Variants in GRID1 observed in about 807,000 individuals in gnomAD.
The protein encoded by GRID1 is glutamate receptor ionotropic, delta-1.
Under a neutral mutation model 98.0 loss-of-function variants are expected in GRID1, and 28 were observed. The ratio of observed to expected loss-of-function variants is 0.29; its 90% confidence interval spans 0.21 to 0.39. The LOEUF is 0.39. GRID1 is among the 10% of genes least tolerant of loss of function. GRID1 has a pLI of 1.00. For synonymous variants in GRID1, 553 were observed against 538.5 expected (o/e 1.03, Z -0.37); for missense variants, 1,111 against 1,340.5 (o/e 0.83, Z 2.67).
At chr10:85,784,795 G>C (rs577556402) in intron 8 of GRID1, among the ~76,000 whole-genome samples, 24 of 152,356 alleles carry the variant, frequency 1.6e-4, no homozygotes, top group Admixed American at 1.3e-3. Flanking sequence ...CATGCTCTAT[G>C]TGAGCGAAAA....
intron 3 of GRID1, among the ~76,000 whole-genome samples, chr10:86,184,743 G>C (rs1369424610): frequency 3.9e-5 from 6 of 152,020 alleles, no homozygotes; most frequent in Admixed American, 3.9e-4. Context: ...GATGATCTAT[G>C]TACAAAACTC....
intron 4 of GRID1, among the ~76,000 whole-genome samples, chr10:86,007,192 C>T (rs1289723588): frequency 1.3e-5 from 2 of 152,106 alleles, no homozygotes; most frequent in Admixed American, 1.3e-4. Flanking sequence ...TTATCAAAAT[C>T]CATCATAAAA....
rs975517225 is a variant in GRID1 at position 86,012,875 on chromosome 10, G to A, written c.727-96636C>T. 9.2e-5 allele frequency among the ~76,000 whole-genome samples: 14 copies of A among 152,294 alleles called. 1 individual carries two copies. Among genetic ancestry groups the A allele is most frequent in the African/African-American group, 2.4e-4 (10 of 41,564 alleles). On this transcript the variant is annotated intron_variant, in intron 4 of 15. Transcript: ENST00000327946. ...AAATAAATTACTATTGTTTATAAGC[G>A]AAATCATTTATGGTATTTTGTTATA...
intron 4 of GRID1, among the ~76,000 whole-genome samples, chr10:85,945,166 A>C (rs1337772497): frequency 6.6e-6 from 1 of 152,246 alleles, no homozygotes; most frequent in Non-Finnish European, 1.5e-5. Context: ...AATTATGCAC[A>C]TGAATTACTA....
intron 8 of GRID1, among the ~76,000 whole-genome samples, chr10:85,740,121 G>T (rs767214183): frequency 9.2e-5 from 14 of 152,048 alleles, no homozygotes; most frequent in Admixed American, 2.6e-4. Context: ...AGGTGTATTG[G>T]TTTTTTTCTC....
chr10:85,895,001 C>CAAAAAAA (rs60119755), intron 5 of GRID1, among the ~76,000 whole-genome samples: 1 of 103,916 alleles, frequency 9.6e-6, no homozygotes, highest in African/African-American at 3.8e-5. Flanking sequence ...CTGGGACTCT[C>CAAAAAAA]AAAAAAAAAA....
At chr10:85,782,775 G>A (rs1842392450) in intron 8 of GRID1, among the ~76,000 whole-genome samples, 1 of 152,206 alleles carries the variant, frequency 6.6e-6, no homozygotes, top group Non-Finnish European at 1.5e-5. Flanking sequence ...ATGTCACAGG[G>A]GACTGGGTCA....
chr10:85,758,198 C>G (rs556141010), intron 8 of GRID1, among the ~76,000 whole-genome samples: 28 of 152,316 alleles, frequency 1.8e-4, no homozygotes, highest in African/African-American at 6.7e-4. Flanking sequence ...AAATCTATAA[C>G]CATTTTAATT....
chr10:86,264,823 C>T (rs1306562914), intron 2 of GRID1: 1 of 463,942 alleles, frequency 2.2e-6, no homozygotes, highest in Non-Finnish European at 4.5e-6. Flanking sequence ...GCCGCCCCTT[C>T]CTGGTTGGCC....
chr10:86,038,465 G>T (rs1843301108), intron 4 of GRID1, among the ~76,000 whole-genome samples: 3 of 152,184 alleles, frequency 2.0e-5, no homozygotes, highest in Admixed American at 2.0e-4. Flanking sequence ...GTGACTAATG[G>T]GACAAGGGGA....
At chr10:85,670,564 A>G (rs1028153581) in intron 12 of GRID1, among the ~76,000 whole-genome samples, 5 of 152,196 alleles carry the variant, frequency 3.3e-5, no homozygotes, top group Non-Finnish European at 5.9e-5. Context: ...TCTTTTGTCT[A>G]TAAAGACAAA....
intron 2 of GRID1, among the ~76,000 whole-genome samples, chr10:86,237,785 G>A (rs933946706): frequency 6.6e-6 from 1 of 150,784 alleles, no homozygotes; most frequent in African/African-American, 2.4e-5. Context: ...CTTCCCCTTC[G>A]CCTTCCACCA....
At chr10:86,356,749 G>A (rs1389272404) in intron 2 of GRID1, among the ~76,000 whole-genome samples, 3 of 152,216 alleles carry the variant, frequency 2.0e-5, no homozygotes, top group Admixed American at 6.5e-5. Context: ...ACCAAAGGGT[G>A]GAGACCCACA....
intron 5 of GRID1, among the ~76,000 whole-genome samples, chr10:85,893,968 C>T (rs971708401): frequency 3.9e-5 from 6 of 152,220 alleles, no homozygotes; most frequent in African/African-American, 7.2e-5. Flanking sequence ...CCTAGTCCCA[C>T]ACCTGTGAAA....
intron 5 of GRID1, among the ~76,000 whole-genome samples, chr10:85,900,412 T>C (rs547003554): frequency 1.3e-5 from 2 of 152,298 alleles, no homozygotes; most frequent in East Asian, 3.9e-4. Context: ...GACAGATGGA[T>C]AGGAATGCGG....
intron 2 of GRID1, among the ~76,000 whole-genome samples, chr10:86,256,550 T>C (rs891760512): frequency 1.3e-5 from 2 of 152,152 alleles, no homozygotes; most frequent in South Asian, 2.1e-4. Flanking sequence ...AAAGTGACGA[T>C]TGACAGAGAA....
chr10:86,351,447 G>T (rs569274850), intron 2 of GRID1, among the ~76,000 whole-genome samples: 6 of 152,206 alleles, frequency 3.9e-5, no homozygotes, highest in Admixed American at 2.6e-4. Flanking sequence ...TTCTGAGGTC[G>T]GTGAGGGCAG....
intron 3 of GRID1, among the ~76,000 whole-genome samples, chr10:86,169,407 T>C (rs1845448853): frequency 6.6e-6 from 1 of 152,182 alleles, no homozygotes; most frequent in Admixed American, 6.5e-5. Flanking sequence ...ATTTCCACCA[T>C]GGTAGATTTC....
intron 2 of GRID1, among the ~76,000 whole-genome samples, chr10:86,302,322 G>A (rs1041751280): frequency 6.6e-6 from 1 of 152,188 alleles, no homozygotes; most frequent in Non-Finnish European, 1.5e-5. Flanking sequence ...GGGGAACCAG[G>A]GGCAGCACTG....
Sources: allele counts gnomAD v4.1 joint callset (sites outside exome capture counted in the v4.1 genomes callset), GRCh38; gene constraint gnomAD v4.1.1; transcripts MANE v1.5; gene names NCBI Gene and HGNC (gene_info 2026-07-23, HGNC 2026-07-21).